MTM1: variants seen among roughly 807,000 people sequenced by gnomAD.
The protein encoded by MTM1 is myotubularin.
Under a neutral mutation model 52.1 loss-of-function variants are expected in MTM1, and 9 were observed. The observed-to-expected ratio is 0.17, with a 90% CI of 0.10 to 0.30. MTM1 has a LOEUF of 0.30. Among genes scored for constraint, MTM1 ranks in the 10% least tolerant of loss-of-function variants. The pLI, the probability that MTM1 is intolerant of heterozygous loss-of-function variation, is 1.00. For synonymous variants in MTM1, 136 were observed against 163.8 expected (o/e 0.83, Z 1.29); for missense variants, 277 against 470.7 (o/e 0.59, Z 3.81).
In MTM1 at chrX:150,625,801, G is replaced by A. The variant is rs138470915; in HGVS notation, c.444+6662G>A. 2.2e-3 allele frequency among the ~76,000 whole-genome samples: 243 copies of A among 112,601 alleles called. 3 individuals are homozygous for A. Among genetic ancestry groups the A allele is most frequent in the Middle Eastern group, 0.018 (4 of 219 alleles). Reference sequence around the variant, plus strand: ...ATAGTTGCGAAATTTTTGTTTTCGTGTGTGTGGTGGGAGATATTTGACCTT... The same window carrying A: ...ATAGTTGCGAAATTTTTGTTTTCGTATGTGTGGTGGGAGATATTTGACCTT... On this transcript the variant is annotated intron_variant, in intron 6 of 14. Coordinates refer to ENST00000370396, the MANE Select transcript of MTM1 (RefSeq NM_000252.3).
chrX:150,639,042 C>CTATTG lies in MTM1; in HGVS notation c.528+18_528+22dup. 4 of 1,130,382 alleles carry CTATTG rather than the reference C, an allele frequency of 3.5e-6. No individual in the cohort carries two copies. Among genetic ancestry groups the CTATTG allele is most frequent in the Non-Finnish European group, 4.9e-6 (4 of 821,389 alleles). The allele number at this position is 1,130,382 out of a possible 1,213,427, so 93.2% of individuals were successfully genotyped here. On this transcript the variant is annotated intron_variant, in intron 7 of 14. Coordinates refer to ENST00000370396, the MANE Select transcript of MTM1 (RefSeq NM_000252.3). ...CAGGAGGCAGGTAAGATGTTAGATG[C>CTATTG]TATTGTCTGGTATGTGATGAACCTG...
At chrX:150,617,606 G>A (rs2039407275) in intron 5 of MTM1, among the ~76,000 whole-genome samples, 1 of 112,012 alleles carries the variant, frequency 8.9e-6, no homozygotes, top group Non-Finnish European at 1.9e-5. Flanking sequence ...CTTTATTAGT[G>A]GTCTCAGACT....
chrX:150,582,698 C>T (rs1157801354), intron 1 of MTM1, among the ~76,000 whole-genome samples: 1 of 110,964 alleles, frequency 9.0e-6, no homozygotes, highest in African/African-American at 3.3e-5. Context: ...CCAAGGAATG[C>T]CAAGGATTGC....
At chrX:150,569,261 T>TA (rs1557411356) in intron 1 of MTM1, among the ~76,000 whole-genome samples, 1 of 113,580 alleles carries the variant, frequency 8.8e-6, no homozygotes. Context: ...AGTTCCCTGA[T>TA]ACGCAGTCGG....
chrX:150,577,890 TA>T (rs1355445881), intron 1 of MTM1, among the ~76,000 whole-genome samples: 2 of 112,469 alleles, frequency 1.8e-5, no homozygotes, highest in Non-Finnish European at 3.8e-5. Context: ...AGAACTTTTT[TA>T]GTCCTGCTCT....
Position 150,614,611 on chromosome X carries a change from T to C in MTM1, c.254T>C (p.Val85Ala). ...CAGGATTCTTCTCTAATACTTGATGTTCCTCTGGGTGTGATCTCGAGAATT... is the reference window on the plus strand; with the variant it reads ...CAGGATTCTTCTCTAATACTTGATGCTCCTCTGGGTGTGATCTCGAGAATT... Reference protein sequence around the residue: ...LETDSSLILDVPLGVISRIEK... With the variant: ...LETDSSLILDAPLGVISRIEK... The change falls in exon 5 of 15, where the codon GTT (valine) becomes GCT (alanine). Residue 85 changes from valine to alanine, a missense_variant. By Grantham distance (64) the Val-to-Ala change is moderately conservative. Transcript: ENST00000370396. 8.3e-7 allele frequency: 1 copy of C among 1,197,972 alleles called. No individual in the cohort carries two copies. Among genetic ancestry groups the C allele is most frequent in the Non-Finnish European group, 1.1e-6 (1 of 883,551 alleles).
chrX:150,608,804 GGATGATGATGAT>G (rs782040362), intron 4 of MTM1, among the ~76,000 whole-genome samples: 1 of 108,801 alleles, frequency 9.2e-6, no homozygotes, highest in African/African-American at 3.4e-5. Context: ...GCCTTCCCCA[GGATGATGATGAT>G]GATGATGATG....
Position 150,645,882 on chromosome X carries a change from TTAA to T in MTM1, c.867+13_867+15del, listed in dbSNP as rs1557413963. The T allele has an allele frequency of 2.5e-6, 3 of 1,199,065 alleles. No homozygotes were observed. The highest frequency in any genetic ancestry group is 3.4e-6 in the Non-Finnish European group (3 of 883,693). ...GCAGTGGCCAACAAGGTGAGTGGAC[TTAA>T]TGATGTGCTGGACACTTAGCTTACA... On this transcript the variant is annotated intron_variant, in intron 9 of 14. Transcript: ENST00000370396.
chrX:150,670,603 G>A lies in MTM1; in HGVS notation c.1645-825G>A, dbSNP rs782261408. On this transcript the variant is annotated intron_variant, in intron 14 of 14. Transcript: ENST00000370396. The stretch of plus-strand genomic sequence containing the variant: ...CAAATTGGAAAAAAGAATAATAATC[G>A]TATGCTCCCAAGTTCTAGTGAGAAT... 1.3e-4 allele frequency among the ~76,000 whole-genome samples: 14 copies of A among 111,824 alleles called. No individual in the cohort carries two copies. The South Asian group carries it at 2.6e-3, about 21-fold the overall frequency.
chrX:150,661,796 A>G (rs1557414704), intron 13 of MTM1, among the ~76,000 whole-genome samples: 1 of 111,743 alleles, frequency 8.9e-6, no homozygotes, highest in Non-Finnish European at 1.9e-5. Context: ...TAAGGGAAAG[A>G]GGAACATAGT....
chrX:150,603,547 T>G (rs1186922950), intron 4 of MTM1, among the ~76,000 whole-genome samples: 1 of 111,694 alleles, frequency 9.0e-6, no homozygotes, highest in Non-Finnish European at 1.9e-5. Flanking sequence ...TTTGGAGGGC[T>G]TGAGTGGCCA....
At chrX:150,660,325 G>T in intron 12 of MTM1, 46 bp from the exon 13 acceptor site, 1 of 795,245 alleles carries the variant, frequency 1.3e-6, no homozygotes, top group Non-Finnish European at 1.9e-6. Context: ...ATTTTATAAA[G>T]TTTCAGTCCC....
the MTM1 span, among the ~76,000 whole-genome samples, chrX:150,562,749 C>T: frequency 4.3e-3 from 476 of 111,952 alleles, 1 homozygote; most frequent in Admixed American, 7.9e-3. Context: ...AACCTGCTGA[C>T]CAGCGGGGCC....
chrX:150,629,758 A>C (rs1237915789), intron 6 of MTM1, among the ~76,000 whole-genome samples: 1 of 111,804 alleles, frequency 8.9e-6, no homozygotes, highest in Non-Finnish European at 1.9e-5. Flanking sequence ...GAACTGTAAA[A>C]GGGTATACAG....
chrX:150,653,307 C>T (rs2040058545), intron 10 of MTM1, among the ~76,000 whole-genome samples: 1 of 111,625 alleles, frequency 9.0e-6, no homozygotes, highest in Non-Finnish European at 1.9e-5. Flanking sequence ...GTAGGCATAT[C>T]ATTCCATCCT....
intron 14 of MTM1, among the ~76,000 whole-genome samples, chrX:150,668,996 C>T (rs1163937337): frequency 5.4e-5 from 6 of 110,730 alleles, no homozygotes; most frequent in Non-Finnish European, 1.1e-4. Flanking sequence ...TGGTTTGCTG[C>T]ACCTATTGAT....
rs998281907 is a variant in MTM1, at chrX:150,575,257, C to A, written c.-11+6595C>A. On this transcript the variant is annotated intron_variant, in intron 1 of 14. Transcript: ENST00000370396. ...TCCTCATAGAGGGAATACCACGGAC[C>A]AGGAGATTGCCTTTCCTGCTGCTCA... Among the ~76,000 whole-genome samples, 7 of 112,479 alleles carry A rather than the reference C, an allele frequency of 6.2e-5. 1 individual carries two copies. In the Middle Eastern group the frequency reaches 0.014, roughly 222 times the overall value.
intron 1 of MTM1, 29 bp from the exon 2 acceptor site, chrX:150,592,576 T>C (rs782681911): frequency 1.7e-5 from 19 of 1,095,604 alleles, no homozygotes; most frequent in Admixed American, 2.2e-5. Context: ...ACAAATTCAG[T>C]TGATATTGAA....
intron 2 of MTM1, among the ~76,000 whole-genome samples, chrX:150,595,361 C>T (rs953311055): frequency 1.8e-5 from 2 of 111,078 alleles, no homozygotes; most frequent in Non-Finnish European, 3.8e-5. Flanking sequence ...CTCAGGAGAC[C>T]GAGGCATGAG....
Sources: allele counts gnomAD v4.1 joint callset (sites outside exome capture counted in the v4.1 genomes callset), GRCh38; gene constraint gnomAD v4.1.1; transcripts MANE v1.5; gene names NCBI Gene and HGNC (gene_info 2026-07-23, HGNC 2026-07-21).